ITGB8: variants seen among roughly 807,000 people sequenced by gnomAD.
ITGB8 encodes the protein integrin beta-8.
A neutral mutation model predicts 89.5 loss-of-function variants in ITGB8; 30 were observed. The observed-to-expected ratio is 0.34, with a 90% CI of 0.25 to 0.45. The LOEUF is 0.45. Among genes scored for constraint, ITGB8 ranks in the 20% least tolerant of loss-of-function variants. The pLI, the probability that ITGB8 is intolerant of heterozygous loss-of-function variation, is 1.00. For synonymous variants in ITGB8, 335 were observed against 320.4 expected (o/e 1.05, Z -0.49); for missense variants, 836 against 933.3 (o/e 0.90, Z 1.36).
chr7:20,375,354 A>G (rs1228367432), intron 3 of ITGB8, among the ~76,000 whole-genome samples: 2 of 142,476 alleles, frequency 1.4e-5, no homozygotes, highest in African/African-American at 4.9e-5. Flanking sequence ...ATGTGATTCA[A>G]ATTCCAAAAA....
Position 20,409,610 on chromosome 7 carries a change from T to C in ITGB8, c.2024-5T>C. On this transcript the variant is annotated splice_polypyrimidine_tract_variant and splice_region_variant and intron_variant, in intron 12 of 13. Coordinates refer to ENST00000222573, the MANE Select transcript of ITGB8 (RefSeq NM_002214.3). The stretch of plus-strand genomic sequence containing the variant: ...TAATCCATTTATTTGTTTGCTTCAT[T>C]ACAGAATGTTTCTCCAGCCCAAGCT... The C allele has an allele frequency of 5.7e-6, 9 of 1,590,958 alleles. No homozygotes were observed. Among genetic ancestry groups the C allele is most frequent in the Non-Finnish European group, 6.8e-6 (8 of 1,169,798 alleles).
At chr7:20,380,883 A>C (rs966309739) in intron 5 of ITGB8, 52 bp downstream of exon 5, 29 of 1,445,444 alleles carry the variant, frequency 2.0e-5, no homozygotes, top group Non-Finnish European at 2.6e-5. Flanking sequence ...ACTTTCAAAG[A>C]ATTTAGACGT....
chr7:20,353,601 T>A (rs908045049), intron 1 of ITGB8, among the ~76,000 whole-genome samples: 1 of 152,066 alleles, frequency 6.6e-6, no homozygotes, highest in African/African-American at 2.4e-5. Context: ...AATAAGCTAG[T>A]TCAGCTGAAC....
chr7:20,331,390 C>T lies in ITGB8; in HGVS notation c.-417C>T, dbSNP rs1784385992. ...GGGTGGTTTCCCCCCCAGCTTCGGG[C>T]TTTGTTTGGGTTTGATTGTGTTTGG... On this transcript the variant is annotated 5_prime_UTR_variant, in exon 1 of 14. Coordinates refer to ENST00000222573, the MANE Select transcript of ITGB8 (RefSeq NM_002214.3). The T allele has an allele frequency of 2.5e-6, 1 of 398,036 alleles. No individual in the cohort carries two copies. The highest frequency in any genetic ancestry group is 2.1e-5 in the African/African-American group (1 of 48,550). 24.7% of individuals were successfully genotyped at this position (398,036 alleles called of 1,614,324 possible). A position where few individuals can be genotyped will look rare whatever the true frequency, so the allele number is the denominator to read the frequency against.
At chr7:20,350,287 A>G (rs1159716605) in intron 1 of ITGB8, among the ~76,000 whole-genome samples, 7 of 152,134 alleles carry the variant, frequency 4.6e-5, no homozygotes, top group Non-Finnish European at 7.4e-5. Context: ...AGCTGAGATT[A>G]CAGGTGCCCG....
At chr7:20,370,424 A>G (rs1785881120) in intron 3 of ITGB8, among the ~76,000 whole-genome samples, 1 of 151,372 alleles carries the variant, frequency 6.6e-6, no homozygotes, top group African/African-American at 2.4e-5. Context: ...AAAAGTTATA[A>G]ATGTTTATAA....
rs1785779346 is a variant in ITGB8 at position 20,368,136 on chromosome 7, C to T, written c.388+950C>T. Among the ~76,000 whole-genome samples, 2 of 152,134 alleles carry T rather than the reference C, an allele frequency of 1.3e-5. 1 individual carries two copies. The highest frequency in any genetic ancestry group is 4.1e-4 in the South Asian group (2 of 4,832). ...AAAACAAAATCCATTACTTTCTTGG[C>T]CCTGGGCATATTCCCAGTTTCCAAT... On this transcript the variant is annotated intron_variant, in intron 3 of 13. Transcript: ENST00000222573.
intron 1 of ITGB8, among the ~76,000 whole-genome samples, chr7:20,350,936 CT>C (rs1186132891): frequency 2.6e-5 from 4 of 152,188 alleles, no homozygotes; most frequent in African/African-American, 9.7e-5. Flanking sequence ...GCTTTATGCA[CT>C]CAGTGAGGTT....
chr7:20,370,025 A>G (rs1486528426), intron 3 of ITGB8, among the ~76,000 whole-genome samples: 1 of 151,964 alleles, frequency 6.6e-6, no homozygotes, highest in Non-Finnish European at 1.5e-5. Flanking sequence ...CCAAAGATAT[A>G]AGAAGAAGAT....
At chr7:20,356,434 T>C (rs1256479660) in intron 1 of ITGB8, among the ~76,000 whole-genome samples, 1 of 152,216 alleles carries the variant, frequency 6.6e-6, no homozygotes, top group African/African-American at 2.4e-5. Context: ...AGTTATACTC[T>C]AAACTTTACT....
chr7:20,404,678 G>T lies in ITGB8; in HGVS notation c.1738G>T (p.Gly580Cys). ...ATGCCAATGCTTCAGTGGCTGGGAA[G>T]GTGATCGATGCCAGTGCCCTTCAGC... ...GRCQCFSGWE[G>C]DRCQCPSAAA... The change falls in exon 11 of 14, where the codon GGT becomes TGT. Residue 580 changes from glycine (G) to cysteine (C), a missense_variant. This residue lies in a region of ITGB8 where 422 missense variants were observed against 416.9 expected (regional missense o/e 1.01). Transcript: ENST00000222573. 1 of 1,614,028 alleles carries T rather than the reference G, an allele frequency of 6.2e-7. No individual in the cohort carries two copies. The highest frequency in any genetic ancestry group is 8.5e-7 in the Non-Finnish European group (1 of 1,179,980).
chr7:20,355,466 T>C (rs1485486989), intron 1 of ITGB8, among the ~76,000 whole-genome samples: 2 of 152,162 alleles, frequency 1.3e-5, no homozygotes, highest in African/African-American at 4.8e-5. Flanking sequence ...TATGTAAGAA[T>C]TGAACATTAT....
chr7:20,395,281 G>C (rs1787024230), intron 8 of ITGB8, among the ~76,000 whole-genome samples: 2 of 152,202 alleles, frequency 1.3e-5, no homozygotes, highest in Non-Finnish European at 1.5e-5. Context: ...CATAGCTATA[G>C]AATGTACATT....
chr7:20,337,726 G>T (rs1209124035), intron 1 of ITGB8, among the ~76,000 whole-genome samples: 1 of 152,176 alleles, frequency 6.6e-6, no homozygotes, highest in Non-Finnish European at 1.5e-5. Flanking sequence ...TCAAAGGTGA[G>T]AGGAGTCCCT....
chr7:20,366,453 T>C (rs1332113710), intron 2 of ITGB8: 2 of 152,190 alleles, frequency 1.3e-5, no homozygotes, highest in African/African-American at 4.8e-5. Context: ...ATTAAATTGA[T>C]GAAAATAACA....
chr7:20,357,184 T>G (rs3823971), intron 1 of ITGB8, among the ~76,000 whole-genome samples: 11,673 of 152,206 alleles, frequency 0.077, 605 homozygotes, highest in South Asian at 0.22. Context: ...AATGCAGGTG[T>G]TCTAAGAGAT....
At chr7:20,398,681 G>A (rs1435202599) in intron 8 of ITGB8, among the ~76,000 whole-genome samples, 179 bp from the exon 9 acceptor site, 1 of 152,068 alleles carries the variant, frequency 6.6e-6, no homozygotes, top group East Asian at 1.9e-4. Context: ...TATTTCTTAT[G>A]TATTTCAAAT....
intron 9 of ITGB8, among the ~76,000 whole-genome samples, chr7:20,399,666 C>T (rs765172208): frequency 2.6e-5 from 4 of 151,666 alleles, no homozygotes; most frequent in African/African-American, 4.8e-5. Flanking sequence ...ATTGGCACAA[C>T]GGAGAGAGTA....
chr7:20,332,032 C>T, intron 1 of ITGB8, 99 bp downstream of exon 1: 2 of 1,512,876 alleles, frequency 1.3e-6, no homozygotes, highest in Admixed American at 2.1e-5. Context: ...AGGTAAGTTG[C>T]GGTCATCAGA....
Sources: allele counts gnomAD v4.1 joint callset (sites outside exome capture counted in the v4.1 genomes callset), GRCh38; gene constraint gnomAD v4.1.1; regional missense constraint gnomAD v4.1.1; transcripts MANE v1.5; gene names NCBI Gene and HGNC (gene_info 2026-07-23, HGNC 2026-07-21).